The following PSD3 variants were observed in gnomAD, a reference collection of about 807,000 sequenced individuals.
PSD3 encodes pleckstrin and Sec7 domain containing 3.
PSD3 carries 49 observed loss-of-function variants against 105.5 expected under a neutral mutation model. That is an observed-to-expected ratio of 0.46 (90% confidence interval 0.37 to 0.59). The LOEUF (loss-of-function observed/expected upper bound fraction) is 0.59, where lower values mean the gene tolerates loss of function less well. PSD3 is among the 20% of genes least tolerant of loss of function. The probability of loss-of-function intolerance (pLI) is 0.00; values close to 1 mark genes in which losing one functional copy is unlikely to be tolerated. For synonymous variants in PSD3, 557 were observed against 457.8 expected (o/e 1.22, Z -2.77); for missense variants, 1,561 against 1,263.8 (o/e 1.24, Z -3.57).
intron 1 of PSD3, among the ~76,000 whole-genome samples, chr8:18,983,765 G>A (rs1264733486): frequency 6.6e-6 from 1 of 151,928 alleles, no homozygotes; most frequent in Non-Finnish European, 1.5e-5. Flanking sequence ...TTGGGACGCT[G>A]AGGCAAGAGG....
chr8:18,701,916 A>G (rs1053498861), intron 9 of PSD3, among the ~76,000 whole-genome samples: 3 of 152,236 alleles, frequency 2.0e-5, no homozygotes, highest in Non-Finnish European at 2.9e-5. Context: ...GTGAAATACT[A>G]TGTTCACAGG....
At chr8:18,936,970 C>A (rs1379552559) in intron 1 of PSD3, among the ~76,000 whole-genome samples, 2 of 152,112 alleles carry the variant, frequency 1.3e-5, no homozygotes, top group Non-Finnish European at 2.9e-5. Context: ...AACTGCCAGG[C>A]ATCCCATTTA....
At chr8:18,640,332 C>T (rs2018849) in intron 10 of PSD3, among the ~76,000 whole-genome samples, 45,105 of 152,012 alleles carry the variant, frequency 0.3, 6,968 homozygotes, top group Middle Eastern at 0.48. Flanking sequence ...AACAACAAAA[C>T]TGCATACATT....
intron 9 of PSD3, among the ~76,000 whole-genome samples, chr8:18,741,338 G>C (rs945380033): frequency 6.6e-6 from 1 of 152,182 alleles, no homozygotes; most frequent in Non-Finnish European, 1.5e-5. Flanking sequence ...CACAATGCCA[G>C]TAAGTGTCAG....
At chr8:18,732,259 T>A (rs974151838) in intron 9 of PSD3, among the ~76,000 whole-genome samples, 3 of 152,064 alleles carry the variant, frequency 2.0e-5, no homozygotes, top group African/African-American at 7.2e-5. Flanking sequence ...AAAATACTGA[T>A]TGTAGATGGA....
chr8:18,817,345 C>T (rs1433971277), intron 4 of PSD3, among the ~76,000 whole-genome samples: 1 of 152,196 alleles, frequency 6.6e-6, no homozygotes, highest in Non-Finnish European at 1.5e-5. Context: ...ATGACCATCA[C>T]ATCATCTAAG....
At chr8:18,625,236 C>G (rs548095335) in intron 11 of PSD3, among the ~76,000 whole-genome samples, 1 of 151,244 alleles carries the variant, frequency 6.6e-6, no homozygotes, top group Admixed American at 6.6e-5. Context: ...ACATAAATTA[C>G]GGAAGAATTT....
rs143643448 is a variant in PSD3 at position 18,532,967 on chromosome 8, C to A, written c.*2776G>T. The A allele has an allele frequency of 5.3e-5, 8 of 152,210 alleles. No homozygotes were observed. The highest frequency in any genetic ancestry group is 1.9e-4 in the African/African-American group (8 of 41,422). 9.4% of individuals were successfully genotyped at this position (152,210 alleles called of 1,614,324 possible). A position where few individuals can be genotyped will look rare whatever the true frequency, so the allele number is the denominator to read the frequency against. On this transcript the variant is annotated 3_prime_UTR_variant, in exon 16 of 16. Transcript: ENST00000327040. ...GGAAGGAAGTCCCAAGGCTCCTGGGCGCTGAGGTGGGCGACGGAGGTGGGT... is the reference window on the plus strand; with the variant it reads ...GGAAGGAAGTCCCAAGGCTCCTGGGAGCTGAGGTGGGCGACGGAGGTGGGT...
At position 18,793,696 on chromosome 8, in the gene PSD3, G is replaced by C. The variant is rs142258164; in HGVS notation, c.2082+5599C>G. Among the ~76,000 whole-genome samples the C allele has an allele frequency of 3.8e-3, 573 of 152,236 alleles. 2 individuals carry two copies. The highest frequency in any genetic ancestry group is 7.1e-3 in the Admixed American group (109 of 15,294). Reference sequence around the variant, plus strand: ...GCCAACGATAGCTTTCATGGCAGATGGCATCACCTTTCAAGGCAGAGGGCA... The same window carrying C: ...GCCAACGATAGCTTTCATGGCAGATCGCATCACCTTTCAAGGCAGAGGGCA... On this transcript the variant is annotated intron_variant, in intron 8 of 15. Coordinates refer to ENST00000327040, the MANE Select transcript of PSD3 (RefSeq NM_015310.4).
At chr8:18,596,120 T>C (rs1804076827) in intron 12 of PSD3, among the ~76,000 whole-genome samples, 1 of 151,312 alleles carries the variant, frequency 6.6e-6, no homozygotes, top group African/African-American at 2.4e-5. Flanking sequence ...AGTTCACAAA[T>C]ATGTGGAAAT....
intron 11 of PSD3, among the ~76,000 whole-genome samples, chr8:18,627,475 C>T (rs1322489423): frequency 6.6e-6 from 1 of 151,972 alleles, no homozygotes; most frequent in Non-Finnish European, 1.5e-5. Context: ...ATTTCAAGGG[C>T]TCACACAGGG....
At chr8:18,554,088 A>G (rs1191041589) in intron 15 of PSD3, among the ~76,000 whole-genome samples, 2 of 152,192 alleles carry the variant, frequency 1.3e-5, no homozygotes, top group African/African-American at 4.8e-5. Flanking sequence ...GTCGACTCAA[A>G]AGTAGGGAGG....
chr8:18,609,739 A>C (rs751241754), intron 11 of PSD3, among the ~76,000 whole-genome samples: 3 of 152,260 alleles, frequency 2.0e-5, no homozygotes, highest in Admixed American at 6.5e-5. Context: ...ATAAGTTCAT[A>C]GATGACAGAC....
chr8:18,591,242 G>T (rs1413733999), intron 12 of PSD3, among the ~76,000 whole-genome samples: 1 of 152,098 alleles, frequency 6.6e-6, no homozygotes, highest in Non-Finnish European at 1.5e-5. Context: ...AGAATGCCCT[G>T]GCCCCTGACA....
chr8:18,632,670 C>G lies in PSD3; in HGVS notation c.2353G>C (p.Val785Leu). Residue 785 changes from valine (V) to leucine (L), a missense_variant, in exon 11 of 16, where the codon GTG (valine) becomes CTG (leucine). By Grantham distance (32) the Val-to-Leu change is conservative. Coordinates refer to ENST00000327040, the MANE Select transcript of PSD3 (RefSeq NM_015310.4). ...LDIPHDPNAAVYKSGFLARKI... is the reference protein window; with the variant it reads ...LDIPHDPNAALYKSGFLARKI... ...CGAGCCAAGAATCCACTTTTGTACA[C>G]AGCAGCATTTGGATCATGAGGAATG... 1 of 1,612,796 alleles carries G rather than the reference C, an allele frequency of 6.2e-7. No individual in the cohort carries two copies. Among genetic ancestry groups the G allele is most frequent in the Admixed American group, 1.7e-5 (1 of 59,864 alleles).
chr8:18,993,002 C>G (rs1290647883), intron 1 of PSD3, among the ~76,000 whole-genome samples: 3 of 152,070 alleles, frequency 2.0e-5, no homozygotes, highest in African/African-American at 7.2e-5. Flanking sequence ...ACACCTCATC[C>G]AAAGGTCAAT....
intron 9 of PSD3, among the ~76,000 whole-genome samples, chr8:18,699,549 T>A (rs753551957): frequency 3.9e-5 from 6 of 152,168 alleles, no homozygotes; most frequent in Non-Finnish European, 8.8e-5. Flanking sequence ...TTGAATGAGT[T>A]TGACTAACCT....
Position 18,600,445 on chromosome 8 carries a change from G to T in PSD3, c.2411-11C>A, listed in dbSNP as rs1218400301. ...GTTTTCCTCTTGGAGCTAGAAAGGG[G>T]GAAAAAATGTAAAATTTTATTTGAC... On this transcript the variant is annotated splice_polypyrimidine_tract_variant and intron_variant, in intron 11 of 15. Coordinates refer to ENST00000327040, the MANE Select transcript of PSD3 (RefSeq NM_015310.4). 6.3e-7 allele frequency: 1 copy of T among 1,576,906 alleles called. No homozygotes were observed. The highest frequency in any genetic ancestry group is 1.2e-5 in the South Asian group (1 of 86,370).
chr8:18,984,275 C>T (rs1008614611), intron 1 of PSD3, among the ~76,000 whole-genome samples: 7 of 151,630 alleles, frequency 4.6e-5, no homozygotes, highest in Non-Finnish European at 8.8e-5. Context: ...AGAGCTGACT[C>T]TCTAGTTGTT....
Sources: gnomAD v4.1 joint callset for allele counts (sites outside exome capture counted in the v4.1 genomes callset) on GRCh38, gnomAD v4.1.1 for gene constraint, MANE v1.5 for transcripts, NCBI Gene and HGNC (gene_info 2026-07-23, HGNC 2026-07-21) for gene names.